FSTL4: variants seen among roughly 807,000 people sequenced by gnomAD.
FSTL4 encodes the protein follistatin-related protein 4.
A neutral mutation model predicts 78.2 loss-of-function variants in FSTL4; 28 were observed. The ratio of observed to expected loss-of-function variants is 0.36; its 90% CI spans 0.27 to 0.49. The LOEUF (loss-of-function observed/expected upper bound fraction) is 0.49. Ranked by LOEUF, FSTL4 falls within the 20% of genes least tolerant of loss-of-function variation. FSTL4 has a pLI of 0.98. For missense variants in FSTL4, 922 were observed against 1,084.9 expected (o/e 0.85, Z 2.11); for synonymous variants, 422 against 440.5 (o/e 0.96, Z 0.53).
At chr5:133,740,640 C>T in the FSTL4 span, among the ~76,000 whole-genome samples, 91,027 of 152,046 alleles carry the variant, frequency 0.6, 28,032 homozygotes, top group African/African-American at 0.74. Flanking sequence ...CCTCGATTTT[C>T]TCTACACCAT....
chr5:133,321,528 G>T (rs1754052686), intron 4 of FSTL4, among the ~76,000 whole-genome samples: 1 of 152,230 alleles, frequency 6.6e-6, no homozygotes, highest in South Asian at 2.1e-4. Flanking sequence ...GCCCCTGTGG[G>T]TGATGGTCAA....
chr5:133,307,033 T>G (rs1489648596), intron 6 of FSTL4, among the ~76,000 whole-genome samples: 2 of 152,240 alleles, frequency 1.3e-5, no homozygotes, highest in East Asian at 3.9e-4. Flanking sequence ...CCTGAATAAC[T>G]CTGTGCACGG....
At chr5:133,260,229 C>G (rs1429816879) in intron 6 of FSTL4, among the ~76,000 whole-genome samples, 2 of 152,152 alleles carry the variant, frequency 1.3e-5, no homozygotes, top group African/African-American at 4.8e-5. Context: ...CCATTTCCAC[C>G]CCACAGCACA....
chr5:133,446,574 T>C (rs1757270152), intron 3 of FSTL4, among the ~76,000 whole-genome samples: 1 of 152,140 alleles, frequency 6.6e-6, no homozygotes, highest in African/African-American at 2.4e-5. Flanking sequence ...TTTCGAGTGG[T>C]TCCTAACCAA....
At chr5:133,736,979 A>T in the FSTL4 span, among the ~76,000 whole-genome samples, 27 of 152,308 alleles carry the variant, frequency 1.8e-4, no homozygotes, top group South Asian at 4.6e-3. Context: ...TATGGGGTAC[A>T]TGAGATGTTT....
chr5:133,774,884 G>T, the FSTL4 span, among the ~76,000 whole-genome samples: 1 of 152,136 alleles, frequency 6.6e-6, no homozygotes, highest in Non-Finnish European at 1.5e-5. Flanking sequence ...CCAGAAAATG[G>T]ATGATAAATC....
chr5:133,251,154 A>G (rs1194195895), intron 6 of FSTL4, among the ~76,000 whole-genome samples: 1 of 152,206 alleles, frequency 6.6e-6, no homozygotes, highest in East Asian at 1.9e-4. Flanking sequence ...CAGGAGAGAG[A>G]AGGCACTAAC....
At chr5:133,259,509 T>C (rs1469692735) in intron 6 of FSTL4, among the ~76,000 whole-genome samples, 1 of 113,206 alleles carries the variant, frequency 8.8e-6, no homozygotes, top group Non-Finnish European at 1.6e-5. Flanking sequence ...ATCAGAAGGA[T>C]TTTTTTTTCT....
At chr5:133,250,564 T>A (rs771280913) in intron 6 of FSTL4, among the ~76,000 whole-genome samples, 2 of 152,142 alleles carry the variant, frequency 1.3e-5, no homozygotes, top group Non-Finnish European at 2.9e-5. Flanking sequence ...AACAGATGTA[T>A]CCCCCTGAAC....
the FSTL4 span, among the ~76,000 whole-genome samples, chr5:133,828,772 T>C: frequency 6.6e-6 from 1 of 152,214 alleles, no homozygotes; most frequent in Non-Finnish European, 1.5e-5. Context: ...CACTTAGTCT[T>C]TACAGCTTGC....
intron 14 of FSTL4, chr5:133,208,418 T>C (rs1330996703): frequency 6.6e-6 from 1 of 152,250 alleles, no homozygotes; most frequent in Non-Finnish European, 1.5e-5. Flanking sequence ...AGTGAAGAGA[T>C]GTGTCATTTC....
At chr5:133,548,331 T>C (rs548991933) in intron 3 of FSTL4, among the ~76,000 whole-genome samples, 1 of 152,222 alleles carries the variant, frequency 6.6e-6, no homozygotes, top group African/African-American at 2.4e-5. Flanking sequence ...GTGAGAGCAG[T>C]CTTATAGAGG....
rs565032158 is a variant in FSTL4, at chr5:133,597,057, T to C, written c.126+6801A>G. Among the ~76,000 whole-genome samples the C allele has an allele frequency of 2.0e-5, 3 of 152,228 alleles. No homozygotes were observed. The South Asian group carries it at 6.2e-4, about 32-fold the overall frequency. ...ACCAATGTGCCAGCACCCACCACAG[T>C]GTTCTCGGTGTCGCCTGCTCAGAGC... On this transcript the variant is annotated intron_variant, in intron 2 of 15. Transcript: ENST00000265342.
chr5:133,384,535 T>C (rs1048856330), intron 4 of FSTL4, among the ~76,000 whole-genome samples: 1 of 152,276 alleles, frequency 6.6e-6, no homozygotes. Flanking sequence ...GGTGTGATGG[T>C]TAATTTTCAC....
the FSTL4 span, among the ~76,000 whole-genome samples, chr5:133,812,547 G>T: frequency 7.7e-6 from 1 of 130,288 alleles, no homozygotes. Flanking sequence ...ATTTCTGCAT[G>T]ATGGGCTTCT....
At chr5:133,231,180 G>GAA (rs112922906) in intron 8 of FSTL4, among the ~76,000 whole-genome samples, 3 of 136,132 alleles carry the variant, frequency 2.2e-5, no homozygotes, top group Middle Eastern at 3.6e-3. Context: ...TCCTACCTTG[G>GAA]AAAAAAAAAA....
intron 3 of FSTL4, among the ~76,000 whole-genome samples, chr5:133,452,907 C>A (rs1444158296): frequency 6.6e-6 from 1 of 152,242 alleles, no homozygotes; most frequent in Non-Finnish European, 1.5e-5. Context: ...TGTGCAGTGT[C>A]CCATTTAGTC....
chr5:133,559,072 A>T (rs1759860184), intron 3 of FSTL4, among the ~76,000 whole-genome samples: 1 of 152,268 alleles, frequency 6.6e-6, no homozygotes, highest in Non-Finnish European at 1.5e-5. Context: ...TTAAAAGATG[A>T]ACTCATTTTG....
the FSTL4 span, among the ~76,000 whole-genome samples, chr5:133,799,419 T>C: frequency 1.4e-5 from 2 of 138,164 alleles, 1 homozygote; most frequent in South Asian, 4.6e-4. Context: ...TCAGGAAAAT[T>C]CTAGAACTGA....
Sources: allele counts gnomAD v4.1 joint callset (sites outside exome capture counted in the v4.1 genomes callset), GRCh38; gene constraint gnomAD v4.1.1; transcripts MANE v1.5; gene names NCBI Gene and HGNC (gene_info 2026-07-23, HGNC 2026-07-21).